Variants in SHOX observed in about 807,000 individuals in gnomAD.
SHOX encodes SHOX homeobox, also known as short stature homeobox protein.
In SHOX, 12 loss-of-function variants were observed where a neutral mutation model predicts 29.6. The observed-to-expected ratio is 0.41, with a 90% CI of 0.26 to 0.66. The LOEUF (loss-of-function observed/expected upper bound fraction) is 0.66, where lower values mean the gene tolerates loss of function less well. Ranked by LOEUF, SHOX falls within the 30% of genes least tolerant of loss-of-function variation. The probability of loss-of-function intolerance (pLI) is 0.35; values close to 1 mark genes in which losing one functional copy is unlikely to be tolerated. For missense variants in SHOX, 499 were observed against 437.7 expected, an observed-to-expected ratio of 1.14 and a Z score of -1.25; for synonymous variants, 214 against 200.6, an observed-to-expected ratio of 1.07 and a Z score of -0.57.
intron 1 of SHOX, among the ~76,000 whole-genome samples, chrX:633,645 C>T (rs780061301): frequency 6.6e-6 from 1 of 152,256 alleles, no homozygotes; most frequent in African/African-American, 2.4e-5. Context: ...CCAGACTAAA[C>T]TTCCAAATGT....
chrX:634,556 G>C lies in SHOX; in HGVS notation c.278-62G>C. The C allele has an allele frequency of 2.5e-6, 4 of 1,571,600 alleles. No homozygotes were observed. In the Admixed American group the frequency reaches 5.2e-5, roughly 21 times the overall value. On this transcript the variant is annotated intron_variant, in intron 1 of 4. Transcript: ENST00000686671. Reference sequence around the variant, plus strand: ...CTTTCCACCGCGGGATGCACGAAGGGGTTCGCCACGTTGCGCAAAACCTCC... The same window carrying C: ...CTTTCCACCGCGGGATGCACGAAGGCGTTCGCCACGTTGCGCAAAACCTCC...
chrX:624,963 G>C (rs886226162), intron 1 of SHOX, among the ~76,000 whole-genome samples: 3 of 132,666 alleles, frequency 2.3e-5, no homozygotes, highest in South Asian at 4.9e-4. Context: ...GATTGCTTTT[G>C]GAGCTTTCCT....
chrX:654,926 G>A (rs2053116446), downstream of SHOX, among the ~76,000 whole-genome samples: 1 of 97,716 alleles, frequency 1.0e-5, no homozygotes, highest in South Asian at 2.6e-4. Context: ...GACCTCGGGT[G>A]ATCCACCCGC....
chrX:624,889 T>TCTTTCTTTC (rs2052483500), intron 1 of SHOX, among the ~76,000 whole-genome samples: 1 of 89,058 alleles, frequency 1.1e-5, no homozygotes, highest in Non-Finnish European at 2.4e-5. Context: ...TTTCTTTCTT[T>TCTTTCTTTC]CTTTCTTTCT....
chrX:636,195 T>C (rs917665868), intron 2 of SHOX, among the ~76,000 whole-genome samples: 1 of 146,700 alleles, frequency 6.8e-6, no homozygotes, highest in African/African-American at 2.5e-5. Flanking sequence ...ATATAATCTA[T>C]ATACATATAT....
intron 1 of SHOX, among the ~76,000 whole-genome samples, chrX:634,136 G>T (rs983063682): frequency 1.3e-5 from 2 of 152,196 alleles, no homozygotes; most frequent in African/African-American, 4.8e-5. Flanking sequence ...AGCTCCGCCA[G>T]ATCGCGGAGG....
At chrX:636,339 CAT>C (rs1193664491) in intron 2 of SHOX, among the ~76,000 whole-genome samples, 1 of 7,648 alleles carries the variant, frequency 1.3e-4, no homozygotes, top group Non-Finnish European at 2.1e-4. Flanking sequence ...AACATATAAA[CAT>C]ATATAAATAT....
intron 4 of SHOX, 71 bp from the exon 5 acceptor site, chrX:644,320 G>T (rs2052923952): frequency 4.2e-6 from 6 of 1,442,818 alleles, no homozygotes; most frequent in Non-Finnish European, 5.4e-6. Flanking sequence ...GGAGGTTTCC[G>T]GGGGCGCGGG....
In SHOX at chrX:648,911, T is replaced by TTCCTTCCTTCCTTCCTTC. The variant is rs1569495686; in HGVS notation, c.*4275_*4276insTCCTTCCTTCCTTCCTTC. On this transcript the variant is annotated 3_prime_UTR_variant, in exon 5 of 5. Coordinates refer to ENST00000686671, the MANE Select transcript of SHOX (RefSeq NM_000451.4). ...CTTCTCCTTCCTTCCTTCCTTCCTT[T>TTCCTTCCTTCCTTCCTTC]CTTTCTTTTTCTTTCTTTCTCTCTT... Among the ~76,000 whole-genome samples the TTCCTTCCTTCCTTCCTTC allele has an allele frequency of 5.4e-3, 691 of 127,454 alleles. 11 individuals are homozygous for TTCCTTCCTTCCTTCCTTC. The highest frequency in any genetic ancestry group is 0.019 in the African/African-American group (650 of 34,124). The allele number at this position is 127,454 out of a possible 152,430, so 83.6% of individuals were successfully genotyped here. A position where few individuals can be genotyped will look rare whatever the true frequency, so the allele number is the denominator to read the frequency against.
chrX:624,814 C>T (rs1244087654), intron 1 of SHOX, among the ~76,000 whole-genome samples: 2 of 145,494 alleles, frequency 1.4e-5, no homozygotes, highest in Non-Finnish European at 3.0e-5. Context: ...TGCCTTCTTT[C>T]CTTCCTTCGT....
chrX:650,848 G>A lies in SHOX; in HGVS notation c.*6212G>A, dbSNP rs1432556414. Among the ~76,000 whole-genome samples, 4 of 140,002 alleles carry A rather than the reference G, an allele frequency of 2.9e-5. No individual in the cohort carries two copies. The highest frequency in any genetic ancestry group is 1.5e-4 in the Admixed American group (2 of 13,624). The allele number at this position is 140,002 out of a possible 152,430, so 91.8% of individuals were successfully genotyped here. A position where few individuals can be genotyped will look rare whatever the true frequency, so the allele number is the denominator to read the frequency against. On this transcript the variant is annotated 3_prime_UTR_variant, in exon 5 of 5. Transcript: ENST00000686671. ...GTGCCTAATTTATTAAAGAGAATTA[G>A]CTTAGCGAGTATATGCTGATATTCT... is the stretch of plus-strand genomic sequence containing the variant.
intron 1 of SHOX, among the ~76,000 whole-genome samples, chrX:624,898 CTTTCTCTCTTCCTTTCTTT>C (rs2052484453): frequency 1.4e-5 from 1 of 70,170 alleles, no homozygotes; most frequent in Admixed American, 1.3e-4. Context: ...TTCTTTCTTT[CTTTCTCTCTTCCTTTCTTT>C]CTTTCTTTCT....
chrX:657,440 G>GA (rs2053163153), intron 5 of SHOX, among the ~76,000 whole-genome samples: 2 of 152,132 alleles, frequency 1.3e-5, no homozygotes, highest in African/African-American at 4.8e-5. Context: ...TAAAGGGAGT[G>GA]GATGTTATGG....
In SHOX at chrX:651,106, A is replaced by AT. The variant is rs112268799; in HGVS notation, c.*6479dup. On this transcript the variant is annotated 3_prime_UTR_variant, in exon 5 of 5. Coordinates refer to ENST00000686671, the MANE Select transcript of SHOX (RefSeq NM_000451.4). ...TGTGATGTATGTGCATTTGTTATTT[A>AT]TTTTTTTTTCCTTGGTCGGACGTTC... 150,458 of 335,344 alleles carry AT rather than the reference A, an allele frequency of 0.45. 33,762 individuals are homozygous for AT. The highest frequency in any genetic ancestry group is 0.5 in the Non-Finnish European group (85,694 of 171,684). 20.8% of individuals were successfully genotyped at this position (335,344 alleles called of 1,614,324 possible).
At chrX:658,190 G>C (rs968935147) in intron 5 of SHOX, among the ~76,000 whole-genome samples, 9 of 152,162 alleles carry the variant, frequency 5.9e-5, no homozygotes, top group Non-Finnish European at 1.0e-4. Context: ...GGCCAGGCTG[G>C]TCTTGAACTC....
At chrX:635,587 G>A (rs1414611313) in intron 2 of SHOX, among the ~76,000 whole-genome samples, 13 of 152,198 alleles carry the variant, frequency 8.5e-5, no homozygotes, top group Non-Finnish European at 1.8e-4. Context: ...GGGGCACGGG[G>A]GCTCCCCGAG....
intron 1 of SHOX, among the ~76,000 whole-genome samples, chrX:633,932 G>C (rs781700346): frequency 1.3e-5 from 2 of 152,334 alleles, no homozygotes; most frequent in East Asian, 3.9e-4. Context: ...ATACAGACAG[G>C]TCACCAACTA....
intron 5 of SHOX, among the ~76,000 whole-genome samples, chrX:658,190 G>T (rs968935147): frequency 6.6e-6 from 1 of 152,044 alleles, no homozygotes; most frequent in Middle Eastern, 3.2e-3. Flanking sequence ...GGCCAGGCTG[G>T]TCTTGAACTC....
Position 650,687 on chromosome X carries a change from C to T in SHOX, c.*6051C>T, listed in dbSNP as rs1339321607. 2.0e-5 allele frequency among the ~76,000 whole-genome samples: 3 copies of T among 151,050 alleles called. No individual in the cohort carries two copies. In the Admixed American group the frequency reaches 2.0e-4, roughly 10 times the overall value. ...TAGCGAGGATGGCACACGGCAGCCA[C>T]TCCCACGACACACATTTCGGAGGCA... On this transcript the variant is annotated 3_prime_UTR_variant, in exon 5 of 5. Coordinates refer to ENST00000686671, the MANE Select transcript of SHOX (RefSeq NM_000451.4).
Sources: allele counts gnomAD v4.1 joint callset (sites outside exome capture counted in the v4.1 genomes callset), GRCh38; gene constraint gnomAD v4.1.1; transcripts MANE v1.5; gene names NCBI Gene and HGNC (gene_info 2026-07-23, HGNC 2026-07-21).